Variants in PLCL2 observed in about 807,000 individuals in gnomAD.
The protein encoded by PLCL2 is inactive phospholipase C-like protein 2.
A neutral mutation model predicts 79.6 loss-of-function variants in PLCL2; 4 were observed. That is an observed-to-expected ratio of 0.05 (90% CI 0.02 to 0.11). The LOEUF (loss-of-function observed/expected upper bound fraction) is 0.11. Among genes scored for constraint, PLCL2 ranks in the 10% least tolerant of loss-of-function variants. The pLI, the probability that PLCL2 is intolerant of heterozygous loss-of-function variation, is 1.00. For missense variants in PLCL2, 895 were observed against 1,291.0 expected (o/e 0.69, Z 4.70); for synonymous variants, 484 against 457.7 (o/e 1.06, Z -0.73).
At chr3:17,050,654 G>A (rs2064829932) in intron 4 of PLCL2, among the ~76,000 whole-genome samples, 1 of 152,080 alleles carries the variant, frequency 6.6e-6, no homozygotes. Flanking sequence ...ACAAATTCTG[G>A]CGAGGCTGTG....
chr3:17,063,986 T>C (rs1252815331), intron 4 of PLCL2, among the ~76,000 whole-genome samples: 1 of 152,236 alleles, frequency 6.6e-6, no homozygotes, highest in Non-Finnish European at 1.5e-5. Context: ...CTCTATCTAG[T>C]CTTTAGACAG....
chr3:16,898,393 C>G (rs1696535565), intron 1 of PLCL2, among the ~76,000 whole-genome samples: 1 of 151,986 alleles, frequency 6.6e-6, no homozygotes, highest in South Asian at 2.1e-4. Context: ...TTAGCCAGAT[C>G]TTACCCATCT....
At chr3:17,016,315 T>C (rs923365780) in intron 3 of PLCL2, among the ~76,000 whole-genome samples, 1 of 152,220 alleles carries the variant, frequency 6.6e-6, no homozygotes, top group African/African-American at 2.4e-5. Context: ...AAAAGTGATA[T>C]TTGTGCATTT....
chr3:17,071,614 A>G (rs2065061270), intron 5 of PLCL2, among the ~76,000 whole-genome samples: 2 of 152,168 alleles, frequency 1.3e-5, no homozygotes, highest in Admixed American at 1.3e-4. Context: ...ATGGATCAGT[A>G]TATATTTTAA....
chr3:17,027,588 A>G (rs1219629647), intron 3 of PLCL2, among the ~76,000 whole-genome samples: 4 of 152,190 alleles, frequency 2.6e-5, no homozygotes, highest in Admixed American at 2.6e-4. Flanking sequence ...TGATTTTCAA[A>G]GTCACCTTTG....
At chr3:17,004,739 T>C (rs963266161) in intron 1 of PLCL2, among the ~76,000 whole-genome samples, 1 of 152,216 alleles carries the variant, frequency 6.6e-6, no homozygotes, top group African/African-American at 2.4e-5. Flanking sequence ...GGTCAGGCCT[T>C]GCTGTGCTCA....
intron 1 of PLCL2, among the ~76,000 whole-genome samples, chr3:16,948,677 T>G (rs1226798994): frequency 6.6e-6 from 1 of 152,198 alleles, no homozygotes; most frequent in Non-Finnish European, 1.5e-5. Context: ...TTTACTAATC[T>G]GAGGAAAGTT....
intron 1 of PLCL2, among the ~76,000 whole-genome samples, chr3:16,894,783 A>T (rs977799521): frequency 3.9e-5 from 6 of 152,060 alleles, no homozygotes; most frequent in Non-Finnish European, 8.8e-5. Flanking sequence ...TCTTTTGCCC[A>T]TTTAAAAAGT....
At chr3:16,898,482 C>T (rs561826670) in intron 1 of PLCL2, among the ~76,000 whole-genome samples, 3 of 152,200 alleles carry the variant, frequency 2.0e-5, no homozygotes, top group East Asian at 3.9e-4. Flanking sequence ...GAATAGCTGC[C>T]GGGTATGAAT....
In PLCL2 at chr3:17,033,343, G is replaced by A. The variant is rs147622430; in HGVS notation, c.3019-9531G>A. On this transcript the variant is annotated intron_variant, in intron 3 of 5. Coordinates refer to ENST00000615277, the MANE Select transcript of PLCL2 (RefSeq NM_001144382.2). ...CAGTGTTCAGGCAGACTTATATGAC[G>A]CCAAAACCATGCTTTGAACGTGGCA... is the stretch of plus-strand genomic sequence containing the variant. Among the ~76,000 whole-genome samples the A allele has an allele frequency of 1.4e-3, 214 of 152,196 alleles. 1 individual carries two copies. Among genetic ancestry groups the A allele is most frequent in the African/African-American group, 5.0e-3 (208 of 41,544 alleles).
chr3:17,029,243 A>G (rs2064553919), intron 3 of PLCL2, among the ~76,000 whole-genome samples: 1 of 151,838 alleles, frequency 6.6e-6, no homozygotes, highest in Non-Finnish European at 1.5e-5. Context: ...CAGCTCCTGG[A>G]TCTTTCACCT....
chr3:16,932,108 T>A (rs1226624501), intron 1 of PLCL2, among the ~76,000 whole-genome samples: 1 of 152,134 alleles, frequency 6.6e-6, no homozygotes, highest in East Asian at 1.9e-4. Flanking sequence ...GAGAAACAAA[T>A]TTATGTTGTT....
intron 1 of PLCL2, among the ~76,000 whole-genome samples, chr3:16,996,922 A>G (rs971867350): frequency 6.6e-6 from 1 of 152,208 alleles, no homozygotes; most frequent in Admixed American, 6.5e-5. Flanking sequence ...CTTTGTCTTC[A>G]TACTATTTTA....
intron 1 of PLCL2, among the ~76,000 whole-genome samples, chr3:17,005,374 G>A (rs5019428): frequency 0.59 from 88,828 of 151,662 alleles, 26,583 homozygotes; most frequent in African/African-American, 0.7. Flanking sequence ...TCCTTATCCC[G>A]TTTCAGGATG....
chr3:16,906,135 G>GT (rs1372671031), intron 1 of PLCL2, among the ~76,000 whole-genome samples: 5 of 151,712 alleles, frequency 3.3e-5, no homozygotes, highest in African/African-American at 4.8e-5. Context: ...ATATTAAAAC[G>GT]TTTTATCTGA....
chr3:17,039,043 C>T (rs1340655978), intron 3 of PLCL2, among the ~76,000 whole-genome samples: 1 of 152,156 alleles, frequency 6.6e-6, no homozygotes, highest in Admixed American at 6.5e-5. Context: ...AATTACTCAC[C>T]TCACATGGAT....
chr3:16,992,644 C>G (rs1446927328), intron 1 of PLCL2, among the ~76,000 whole-genome samples: 1 of 152,172 alleles, frequency 6.6e-6, no homozygotes, highest in Non-Finnish European at 1.5e-5. Context: ...AGAGCAGGAT[C>G]CTGCATAGCG....
intron 1 of PLCL2, among the ~76,000 whole-genome samples, chr3:16,909,557 C>G (rs1364274845): frequency 3.9e-5 from 6 of 152,098 alleles, no homozygotes; most frequent in African/African-American, 1.4e-4. Flanking sequence ...CAGATAATGA[C>G]TAAGGTATCA....
intron 1 of PLCL2, among the ~76,000 whole-genome samples, chr3:16,960,645 C>A (rs2063746386): frequency 6.6e-6 from 1 of 152,192 alleles, no homozygotes; most frequent in African/African-American, 2.4e-5. Context: ...TTTCAAGGAC[C>A]ACCAAAATAT....
Sources: gnomAD v4.1 joint callset for allele counts (sites outside exome capture counted in the v4.1 genomes callset) on GRCh38, gnomAD v4.1.1 for gene constraint, MANE v1.5 for transcripts, NCBI Gene and HGNC (gene_info 2026-07-23, HGNC 2026-07-21) for gene names.